The following SLC9A9 variants were observed in gnomAD, a reference collection of about 807,000 sequenced individuals.
SLC9A9 encodes the protein solute carrier family 9 member A9.
A neutral mutation model predicts 77.8 loss-of-function variants in SLC9A9; 62 were observed. The ratio of observed to expected loss-of-function variants is 0.80; its 90% CI spans 0.65 to 0.98. The LOEUF (loss-of-function observed/expected upper bound fraction) is 0.98, where lower values mean the gene tolerates loss of function less well. SLC9A9 is among the 50% of genes least tolerant of loss of function. The pLI, the probability that SLC9A9 is intolerant of heterozygous loss-of-function variation, is 0.00. For synonymous variants in SLC9A9, 320 were observed against 283.5 expected (o/e 1.13, Z -1.29); for missense variants, 775 against 774.9 (o/e 1.00, Z 0.00).
intron 1 of SLC9A9, among the ~76,000 whole-genome samples, chr3:143,835,089 C>A (rs114799643): frequency 1.3e-5 from 2 of 152,304 alleles, no homozygotes; most frequent in East Asian, 1.9e-4. Flanking sequence ...CCTAGAATTG[C>A]ACCACAGCCT....
chr3:143,401,770 GATCAT>G (rs1271533866), intron 12 of SLC9A9, among the ~76,000 whole-genome samples: 1 of 151,934 alleles, frequency 6.6e-6, no homozygotes, highest in Non-Finnish European at 1.5e-5. Flanking sequence ...CAGGAGTGCA[GATCAT>G]ATCATAAGAT....
chr3:143,281,307 A>G (rs368665088), intron 14 of SLC9A9, among the ~76,000 whole-genome samples: 1 of 152,216 alleles, frequency 6.6e-6, no homozygotes, highest in South Asian at 2.1e-4. Context: ...TTGATGAGCC[A>G]CTAAGAGTTT....
At chr3:143,663,945 G>A (rs1018813016) in intron 5 of SLC9A9, among the ~76,000 whole-genome samples, 1 of 152,052 alleles carries the variant, frequency 6.6e-6, no homozygotes, top group Non-Finnish European at 1.5e-5. Context: ...GTCTAGCAAG[G>A]CAGGCCAACA....
At chr3:143,399,428 C>T (rs2033801485) in intron 12 of SLC9A9, among the ~76,000 whole-genome samples, 1 of 152,068 alleles carries the variant, frequency 6.6e-6, no homozygotes, top group African/African-American at 2.4e-5. Context: ...TCATGGTTAA[C>T]ACTAGAATTA....
chr3:143,825,917 G>T (rs1423362639), intron 2 of SLC9A9, among the ~76,000 whole-genome samples: 1 of 152,014 alleles, frequency 6.6e-6, no homozygotes, highest in East Asian at 1.9e-4. Flanking sequence ...AATCAATGAT[G>T]AATAAATTAA....
intron 9 of SLC9A9, among the ~76,000 whole-genome samples, chr3:143,496,753 CT>C (rs1368203913): frequency 6.6e-6 from 1 of 152,154 alleles, no homozygotes; most frequent in Non-Finnish European, 1.5e-5. Flanking sequence ...CTCATTATAT[CT>C]TTACTTTTTC....
chr3:143,648,519 AGTTCCTAAC>A (rs962841601), intron 6 of SLC9A9, among the ~76,000 whole-genome samples: 8 of 152,314 alleles, frequency 5.3e-5, no homozygotes, highest in East Asian at 3.9e-4. Flanking sequence ...TGTGTGGCCC[AGTTCCTAAC>A]AGGCCACAGA....
At chr3:143,359,556 G>T (rs2032684597) in intron 14 of SLC9A9, among the ~76,000 whole-genome samples, 1 of 152,138 alleles carries the variant, frequency 6.6e-6, no homozygotes, top group Admixed American at 6.5e-5. Context: ...AGGGTGCTTG[G>T]GGTGCCTGAG....
At chr3:143,376,733 A>G (rs1050007312) in intron 13 of SLC9A9, among the ~76,000 whole-genome samples, 2 of 152,238 alleles carry the variant, frequency 1.3e-5, no homozygotes, top group Admixed American at 6.5e-5. Context: ...TCTAAAAGCC[A>G]TAAGTAAGTA....
chr3:143,337,994 G>A (rs1036986369), intron 14 of SLC9A9, among the ~76,000 whole-genome samples: 2 of 152,146 alleles, frequency 1.3e-5, no homozygotes, highest in African/African-American at 4.8e-5. Flanking sequence ...ATCCCTGAAT[G>A]CTAATTAAGT....
At chr3:143,652,983 G>C (rs932936570) in intron 5 of SLC9A9, among the ~76,000 whole-genome samples, 3 of 152,098 alleles carry the variant, frequency 2.0e-5, no homozygotes, top group Non-Finnish European at 4.4e-5. Flanking sequence ...CCTGGAAATG[G>C]GGTTCATCTT....
intron 4 of SLC9A9, among the ~76,000 whole-genome samples, chr3:143,754,460 GT>G (rs2006857585): frequency 6.6e-6 from 1 of 152,146 alleles, no homozygotes; most frequent in Non-Finnish European, 1.5e-5. Flanking sequence ...GTGTTTTCTT[GT>G]ATGTGAAAGG....
intron 11 of SLC9A9, 56 bp downstream of exon 11, chr3:143,493,597 G>A: frequency 6.7e-7 from 1 of 1,497,652 alleles, no homozygotes; most frequent in Non-Finnish European, 9.3e-7. Context: ...GGTTTTTCAT[G>A]TTCTGTAAAA....
intron 4 of SLC9A9, among the ~76,000 whole-genome samples, chr3:143,713,330 C>T (rs1324287552): frequency 2.0e-5 from 3 of 152,056 alleles, no homozygotes; most frequent in Non-Finnish European, 4.4e-5. Flanking sequence ...AAAATGCCTC[C>T]TAAGATACTG....
chr3:143,548,563 T>G (rs1183008053), intron 9 of SLC9A9, among the ~76,000 whole-genome samples: 1 of 152,180 alleles, frequency 6.6e-6, no homozygotes, highest in Non-Finnish European at 1.5e-5. Context: ...TCCAGGGAAA[T>G]GAATTGCTGC....
At chr3:143,618,904 G>A (rs1485613047) in intron 6 of SLC9A9, among the ~76,000 whole-genome samples, 6 of 152,246 alleles carry the variant, frequency 3.9e-5, no homozygotes, top group African/African-American at 9.6e-5. Context: ...TTCTTCTGAA[G>A]AGAGAATTGG....
In SLC9A9 at chr3:143,290,344, G is replaced by A. The variant is rs578075961; in HGVS notation, c.1605-21364C>T. On this transcript the variant is annotated intron_variant, in intron 14 of 15. Coordinates refer to ENST00000316549, the MANE Select transcript of SLC9A9 (RefSeq NM_173653.4). Reference sequence around the variant, plus strand: ...CAGACTGCAAGTTCCTTGATGACAGGGAATGACCAGTTTTTAATATAGTTG... The same window carrying A: ...CAGACTGCAAGTTCCTTGATGACAGAGAATGACCAGTTTTTAATATAGTTG... Among the ~76,000 whole-genome samples the A allele has an allele frequency of 2.4e-4, 37 of 152,260 alleles. 1 individual carries two copies. The East Asian group carries it at 7.1e-3, about 29-fold the overall frequency.
At chr3:143,462,641 T>TC (rs1165079437) in intron 12 of SLC9A9, among the ~76,000 whole-genome samples, 2 of 152,166 alleles carry the variant, frequency 1.3e-5, no homozygotes, top group African/African-American at 4.8e-5. Flanking sequence ...CCCGTAACTG[T>TC]CCCAGGTCAA....
At chr3:143,352,979 TAACCGGGACAC>T in intron 14 of SLC9A9, among the ~76,000 whole-genome samples, 2 of 152,294 alleles carry the variant, frequency 1.3e-5, no homozygotes, top group South Asian at 4.1e-4. Context: ...TCCATTTTCT[TAACCGGGACAC>T]ATGCGGTCCC....
Sources: allele counts gnomAD v4.1 joint callset (sites outside exome capture counted in the v4.1 genomes callset), GRCh38; gene constraint gnomAD v4.1.1; transcripts MANE v1.5; gene names NCBI Gene and HGNC (gene_info 2026-07-23, HGNC 2026-07-21).